Variants in PCCA observed in about 807,000 individuals in gnomAD.
The protein encoded by PCCA is propionyl-CoA carboxylase alpha chain, mitochondrial.
In PCCA, 74 loss-of-function variants were observed where a neutral mutation model predicts 101.3. The observed-to-expected ratio is 0.73, with a 90% CI of 0.61 to 0.89. PCCA has a LOEUF of 0.89. Ranked by LOEUF, PCCA falls within the 40% of genes least tolerant of loss-of-function variation. PCCA has a pLI of 0.00. For missense variants in PCCA, 891 were observed against 907.0 expected (o/e 0.98, Z 0.23); for synonymous variants, 294 against 313.6 (o/e 0.94, Z 0.66).
chr13:100,326,674 T>C (rs2068722169), intron 16 of PCCA, among the ~76,000 whole-genome samples: 1 of 151,850 alleles, frequency 6.6e-6, no homozygotes, highest in Admixed American at 6.6e-5. Context: ...GACCAGCCCC[T>C]CCTCTTCCTC....
Position 100,395,972 on chromosome 13 carries a change from G to A in PCCA, c.1746+27398G>A, listed in dbSNP as rs139171379. The stretch of plus-strand genomic sequence containing the variant: ...ACACAAGCAATCATAGTTTTCCTCT[G>A]TTATCTTTAGTTTGTAAAAATCAAC... On this transcript the variant is annotated intron_variant, in intron 19 of 23. Transcript: ENST00000376285. Among the ~76,000 whole-genome samples, 166 of 152,272 alleles carry A rather than the reference G, an allele frequency of 1.1e-3. 6 individuals are homozygous for A. The South Asian group carries it at 0.031, about 29-fold the overall frequency.
intron 18 of PCCA, among the ~76,000 whole-genome samples, chr13:100,347,171 G>T (rs978960789): frequency 6.6e-6 from 1 of 152,214 alleles, no homozygotes; most frequent in Non-Finnish European, 1.5e-5. Flanking sequence ...CACCACGCCA[G>T]CCTAAACTAC....
intron 17 of PCCA, among the ~76,000 whole-genome samples, chr13:100,331,955 T>C (rs2069663258): frequency 6.6e-6 from 1 of 150,400 alleles, no homozygotes. Context: ...TTTTTTTTTT[T>C]TTGAGACAGA....
At chr13:100,152,358 CT>C (rs5806152) in intron 4 of PCCA, among the ~76,000 whole-genome samples, 40,709 of 138,344 alleles carry the variant, frequency 0.29, 6,620 homozygotes, top group East Asian at 0.71. Flanking sequence ...TTGGAGCACT[CT>C]TTTTTTTTTT....
intron 12 of PCCA, among the ~76,000 whole-genome samples, chr13:100,298,628 T>C (rs1396939861): frequency 2.2e-4 from 1 of 4,650 alleles, no homozygotes; most frequent in Admixed American, 3.3e-3. Flanking sequence ...CCTCCCTCCC[T>C]CCCCTCCCTC....
At chr13:100,327,290 T>C (rs2152726930) in intron 16 of PCCA, among the ~76,000 whole-genome samples, 1 of 152,320 alleles carries the variant, frequency 6.6e-6, no homozygotes, top group South Asian at 2.1e-4. Context: ...CGTTTGCATG[T>C]CCTAAAATTT....
intron 21 of PCCA, among the ~76,000 whole-genome samples, chr13:100,453,928 G>A (rs1358849591): frequency 6.6e-6 from 1 of 152,150 alleles, no homozygotes; most frequent in Non-Finnish European, 1.5e-5. Context: ...GCAGTGGCGC[G>A]ATCTCGATAT....
intron 5 of PCCA, among the ~76,000 whole-genome samples, 182 bp downstream of exon 5, chr13:100,155,274 G>A (rs980685772): frequency 3.9e-5 from 6 of 152,318 alleles, no homozygotes; most frequent in African/African-American, 1.4e-4. Flanking sequence ...GTAGCATCTG[G>A]CAGTGTTGGT....
Position 100,394,899 on chromosome 13 carries a change from G to A in PCCA, c.1746+26325G>A, listed in dbSNP as rs2076972763. Among the ~76,000 whole-genome samples, 1 of 152,072 alleles carries A rather than the reference G, an allele frequency of 6.6e-6. No homozygotes were observed. Among genetic ancestry groups the A allele is most frequent in the Non-Finnish European group, 1.5e-5 (1 of 68,010 alleles). On this transcript the variant is annotated intron_variant, in intron 19 of 23. Coordinates refer to ENST00000376285, the MANE Select transcript of PCCA (RefSeq NM_000282.4). The surrounding 1 kb of genome is among the most constrained non-coding windows in gnomAD (Gnocchi z 4.3). ...AGTTTGTGTGTCCAGGGTCTGACGTGCTCCATCATCAAGGCAGCTTTTATC... is the reference window on the plus strand; with the variant it reads ...AGTTTGTGTGTCCAGGGTCTGACGTACTCCATCATCAAGGCAGCTTTTATC...
At chr13:100,275,314 G>T (rs1308389965) in intron 12 of PCCA, among the ~76,000 whole-genome samples, 2 of 152,064 alleles carry the variant, frequency 1.3e-5, no homozygotes, top group Non-Finnish European at 2.9e-5. Context: ...TTTTCTGTTC[G>T]CTGTGCCGTG....
At chr13:100,493,051 A>G (rs1226204434) in intron 21 of PCCA, among the ~76,000 whole-genome samples, 1 of 152,164 alleles carries the variant, frequency 6.6e-6, no homozygotes, top group Non-Finnish European at 1.5e-5. Context: ...TTCTCCGCTG[A>G]GCTGTTTTAA....
At chr13:100,232,391 T>TGTGTGTGTGTGG (rs1490661189) in intron 7 of PCCA, among the ~76,000 whole-genome samples, 1 of 148,844 alleles carries the variant, frequency 6.7e-6, no homozygotes, top group Non-Finnish European at 1.5e-5. Context: ...TGTGTGTGTG[T>TGTGTGTGTGTGG]GGTTTTAGAG....
chr13:100,202,909 T>TGTCTGTCAAATCA (rs1204841199), intron 6 of PCCA, among the ~76,000 whole-genome samples: 1 of 152,244 alleles, frequency 6.6e-6, no homozygotes, highest in African/African-American at 2.4e-5. Context: ...ATTTCTGAGC[T>TGTCTGTCAAATCA]TTTCTAAATC....
rs560787685 is a variant in PCCA, at chr13:100,493,193, C to G, written c.1900-22234C>G. The stretch of plus-strand genomic sequence containing the variant: ...ACCTGCCCCTGCCCATCTGCGTGCT[C>G]TCCCTCCCATAAGGGGTTTGAGCAC... On this transcript the variant is annotated intron_variant, in intron 21 of 23. Transcript: ENST00000376285. Among the ~76,000 whole-genome samples the G allele has an allele frequency of 1.6e-4, 25 of 152,376 alleles. 1 individual carries two copies. The highest frequency in any genetic ancestry group is 5.0e-4 in the African/African-American group (21 of 41,594).
chr13:100,127,334 A>C (rs2050051557), intron 4 of PCCA, among the ~76,000 whole-genome samples: 1 of 152,184 alleles, frequency 6.6e-6, no homozygotes, highest in African/African-American at 2.4e-5. Flanking sequence ...TTTGTTAATA[A>C]CTTATACTGA....
chr13:100,138,934 C>CAAAAA (rs34466523), intron 4 of PCCA, among the ~76,000 whole-genome samples: 9 of 83,058 alleles, frequency 1.1e-4, no homozygotes, highest in Admixed American at 1.4e-4. Flanking sequence ...AACTCCATCT[C>CAAAAA]AAAAAAAAAA....
At chr13:100,438,892 T>C (rs1273729161) in intron 20 of PCCA, among the ~76,000 whole-genome samples, 2 of 152,154 alleles carry the variant, frequency 1.3e-5, no homozygotes. Flanking sequence ...AAATTACTAA[T>C]GTGATACCAG....
intron 19 of PCCA, among the ~76,000 whole-genome samples, chr13:100,387,503 T>C (rs918011874): frequency 2.6e-5 from 4 of 152,212 alleles, no homozygotes; most frequent in Admixed American, 6.5e-5. Context: ...TTCCTTACTC[T>C]TGGTTCAAGC....
intron 8 of PCCA, among the ~76,000 whole-genome samples, chr13:100,247,842 T>G (rs1417869885): frequency 3.3e-5 from 5 of 152,208 alleles, no homozygotes; most frequent in Non-Finnish European, 7.3e-5. Flanking sequence ...GGATATCTGA[T>G]GGACCTATAT....
Sources: gnomAD v4.1 joint callset for allele counts (sites outside exome capture counted in the v4.1 genomes callset) on GRCh38, gnomAD v4.1.1 for gene constraint, Gnocchi (gnomAD v3.1) non-coding constraint, MANE v1.5 for transcripts, NCBI Gene and HGNC (gene_info 2026-07-23, HGNC 2026-07-21) for gene names.